NR3C1: variants seen among roughly 807,000 people sequenced by gnomAD.
NR3C1 encodes the protein glucocorticoid receptor.
In NR3C1, 14 loss-of-function variants were observed where a neutral mutation model predicts 74.0. The ratio of observed to expected loss-of-function variants is 0.19; its 90% CI spans 0.12 to 0.30. The LOEUF (loss-of-function observed/expected upper bound fraction) is 0.30, where lower values mean the gene tolerates loss of function less well. NR3C1 is among the 10% of genes least tolerant of loss of function. The pLI, the probability that NR3C1 is intolerant of heterozygous loss-of-function variation, is 1.00. For missense variants in NR3C1, 695 were observed against 909.8 expected (o/e 0.76, Z 3.04); for synonymous variants, 308 against 332.5 (o/e 0.93, Z 0.80).
intron 2 of NR3C1, among the ~76,000 whole-genome samples, chr5:143,363,873 G>A (rs1832719794): frequency 1.3e-5 from 2 of 152,002 alleles, no homozygotes; most frequent in Non-Finnish European, 2.9e-5. Flanking sequence ...AAAAAGAATG[G>A]GGAGGAAAAA....
intron 7 of NR3C1, among the ~76,000 whole-genome samples, chr5:143,286,568 G>C (rs1377669497): frequency 1.3e-5 from 2 of 152,042 alleles, no homozygotes; most frequent in Non-Finnish European, 2.9e-5. Context: ...TATGAATAAT[G>C]CTGCTATGAA....
At chr5:143,378,204 T>G (rs1273533779) in intron 2 of NR3C1, among the ~76,000 whole-genome samples, 1 of 152,006 alleles carries the variant, frequency 6.6e-6, no homozygotes, top group Non-Finnish European at 1.5e-5. Context: ...TGATCCAAGT[T>G]TGCCCCATTG....
rs72542764 is a variant in NR3C1 at position 143,279,958 on chromosome 5, G to A, written c.*1931C>T. ...TGAGTAAACTAAACCTGCGCTGACAGACTCACTGTTGGAATGAGAAGGGTG... is the reference window on the plus strand; with the variant it reads ...TGAGTAAACTAAACCTGCGCTGACAAACTCACTGTTGGAATGAGAAGGGTG... On this transcript the variant is annotated 3_prime_UTR_variant, in exon 9 of 9. Coordinates refer to ENST00000394464, the MANE Select transcript of NR3C1 (RefSeq NM_000176.3). 6.5e-6 allele frequency: 1 copy of A among 152,686 alleles called. No individual in the cohort carries two copies. Among genetic ancestry groups the A allele is most frequent in the East Asian group, 1.9e-4 (1 of 5,212 alleles). 9.5% of individuals were successfully genotyped at this position (152,686 alleles called of 1,614,324 possible).
intron 3 of NR3C1, among the ~76,000 whole-genome samples, chr5:143,313,376 C>T (rs915680118): frequency 6.6e-6 from 1 of 151,996 alleles, no homozygotes; most frequent in African/African-American, 2.4e-5. Flanking sequence ...TCTAAAATAC[C>T]TTTCCTGACC....
At position 143,300,736 on chromosome 5, in the gene NR3C1, C is replaced by T. The variant is rs1403364297; in HGVS notation, c.1496G>A (p.Gly499Glu). Residue 499 changes from glycine to glutamate, a missense_variant, in exon 5 of 9, where the codon GGA (glycine) becomes GAA (glutamate). This residue lies in a region of NR3C1 where 42 missense variants were observed against 49.3 expected (regional missense o/e 0.85). Coordinates refer to ENST00000394464, the MANE Select transcript of NR3C1 (RefSeq NM_000176.3). The surrounding 1 kb of genome is among the most constrained non-coding windows in gnomAD (Gnocchi z 5.2). ...EARKTKKKIKGIQQATTGVSQ... is the reference protein window; with the variant it reads ...EARKTKKKIKEIQQATTGVSQ... The stretch of plus-strand genomic sequence containing the variant: ...GACTCCTGTAGTGGCCTGCTGAATT[C>T]CTTTTATTTTTTTCTTTGTTTTTCG... 1.2e-6 allele frequency: 2 copies of T among 1,613,460 alleles called. No homozygotes were observed. Among genetic ancestry groups the T allele is most frequent in the African/African-American group, 1.3e-5 (1 of 74,792 alleles).
upstream of NR3C1, among the ~76,000 whole-genome samples, chr5:143,407,914 A>G (rs183112120): frequency 2.0e-4 from 30 of 152,356 alleles, no homozygotes; most frequent in Admixed American, 5.9e-4. Context: ...ATTTAAGATC[A>G]TCACCTTTAC....
chr5:143,346,275 A>G (rs556526595), intron 2 of NR3C1, among the ~76,000 whole-genome samples: 1 of 152,292 alleles, frequency 6.6e-6, no homozygotes, highest in Admixed American at 6.5e-5. Flanking sequence ...CCTTCGTAAC[A>G]GGCTTAGAAT....
intron 2 of NR3C1, chr5:143,333,352 T>C (rs13164599): frequency 7.7e-6 from 5 of 651,082 alleles, no homozygotes; most frequent in Admixed American, 2.4e-5. Context: ...AACCTTGAGA[T>C]TGGGAGGAAA....
intron 2 of NR3C1, among the ~76,000 whole-genome samples, chr5:143,355,494 T>TAAATAA (rs888491793): frequency 6.6e-6 from 1 of 151,820 alleles, no homozygotes; most frequent in Non-Finnish European, 1.5e-5. Context: ...AATAAATAAA[T>TAAATAA]AAATAAATAC....
chr5:143,410,111 A>T (rs1841243202), intron 1 of NR3C1, among the ~76,000 whole-genome samples: 1 of 152,188 alleles, frequency 6.6e-6, no homozygotes, highest in Non-Finnish European at 1.5e-5. Flanking sequence ...TAATTGCAAC[A>T]AGTATTACGT....
intron 2 of NR3C1, among the ~76,000 whole-genome samples, chr5:143,350,369 T>C (rs1220622040): frequency 6.6e-6 from 1 of 152,072 alleles, no homozygotes; most frequent in Non-Finnish European, 1.5e-5. Context: ...TTTAGTCCAA[T>C]CTATGAGGCC....
intron 1 of NR3C1, among the ~76,000 whole-genome samples, chr5:143,410,484 C>A (rs1250809454): frequency 6.6e-6 from 1 of 152,140 alleles, no homozygotes. Flanking sequence ...GTTTTGAGAT[C>A]AGTATTTGTC....
At chr5:143,397,865 A>G (rs1383881713) in intron 2 of NR3C1, among the ~76,000 whole-genome samples, 2 of 151,952 alleles carry the variant, frequency 1.3e-5, no homozygotes, top group Non-Finnish European at 2.9e-5. Flanking sequence ...CTTATACTCT[A>G]TATCCCAGAT....
exon 1 of NR3C1, chr5:143,434,814 T>C (rs1375844991): frequency 1.0e-6 from 1 of 985,428 alleles, no homozygotes; most frequent in East Asian, 1.1e-4. Context: ...AAATCTGACT[T>C]AGATATGACG....
rs533834412 is a variant in NR3C1 at position 143,419,762 on chromosome 5, G to C, written c.-14+14770C>G. The stretch of plus-strand genomic sequence containing the variant: ...GGGCGAAATTAAAATTGCTAACAAA[G>C]TTTTGGGCACCATTGTCTTTGATAA... On this transcript the variant is annotated intron_variant, in intron 1 of 8. Coordinates refer to the NR3C1 transcript ENST00000343796. Among the ~76,000 whole-genome samples the C allele has an allele frequency of 5.9e-5, 9 of 152,278 alleles. No individual in the cohort carries two copies. The South Asian group carries it at 1.7e-3, about 28-fold the overall frequency.
At chr5:143,359,376 G>A (rs1432511595) in intron 2 of NR3C1, among the ~76,000 whole-genome samples, 1 of 152,064 alleles carries the variant, frequency 6.6e-6, no homozygotes, top group African/African-American at 2.4e-5. Context: ...ATACATACTT[G>A]AGTGCCTACA....
intron 2 of NR3C1, among the ~76,000 whole-genome samples, chr5:143,360,888 A>C (rs940978054): frequency 3.3e-5 from 5 of 152,306 alleles, no homozygotes; most frequent in African/African-American, 9.6e-5. Flanking sequence ...ACTGATAGCT[A>C]CACTGCAGGG....
At chr5:143,353,122 T>C (rs904891691) in intron 2 of NR3C1, among the ~76,000 whole-genome samples, 1 of 152,222 alleles carries the variant, frequency 6.6e-6, no homozygotes, top group Non-Finnish European at 1.5e-5. Context: ...AAAAAATTTA[T>C]TTGCTCATTT....
chr5:143,344,897 A>C (rs1039290662), intron 2 of NR3C1, among the ~76,000 whole-genome samples: 1 of 151,958 alleles, frequency 6.6e-6, no homozygotes, highest in African/African-American at 2.4e-5. Context: ...CCCCCCACAA[A>C]AAAAAGAAAA....
Sources: allele counts gnomAD v4.1 joint callset (sites outside exome capture counted in the v4.1 genomes callset), GRCh38; gene constraint gnomAD v4.1.1; regional missense constraint gnomAD v4.1.1; non-coding constraint Gnocchi (gnomAD v3.1); transcripts MANE v1.5; gene names NCBI Gene and HGNC (gene_info 2026-07-23, HGNC 2026-07-21).